TMEFF1: variants seen among roughly 807,000 people sequenced by gnomAD.
TMEFF1 encodes tomoregulin-1.
TMEFF1 carries 20 observed loss-of-function variants against 47.5 expected under a neutral mutation model. The observed-to-expected ratio is 0.42, with a 90% confidence interval of 0.30 to 0.61. The LOEUF (loss-of-function observed/expected upper bound fraction) is 0.61. Among genes scored for constraint, TMEFF1 ranks in the 20% least tolerant of loss-of-function variants. The pLI is 0.19. For synonymous variants in TMEFF1, 162 were observed against 166.3 expected (o/e 0.97, Z 0.20); for missense variants, 411 against 471.1 (o/e 0.87, Z 1.18).
At chr9:100,525,426 T>G (rs1838236455) in intron 5 of TMEFF1, among the ~76,000 whole-genome samples, 1 of 152,058 alleles carries the variant, frequency 6.6e-6, no homozygotes, top group African/African-American at 2.4e-5. Context: ...TACTTATTAT[T>G]TGTAAAGGAT....
chr9:100,486,064 G>T (rs1312633330), intron 1 of TMEFF1, among the ~76,000 whole-genome samples: 5 of 142,082 alleles, frequency 3.5e-5, no homozygotes, highest in Admixed American at 7.1e-5. Flanking sequence ...CAAATATTCT[G>T]AGTCTGTCTT....
intron 4 of TMEFF1, among the ~76,000 whole-genome samples, chr9:100,514,280 TC>T (rs1838023266): frequency 6.6e-6 from 1 of 151,462 alleles, no homozygotes; most frequent in Non-Finnish European, 1.5e-5. Context: ...AGGAGAACTG[TC>T]CTGAGGAGAA....
At chr9:100,549,107 T>C (rs532418479) in intron 6 of TMEFF1, among the ~76,000 whole-genome samples, 2 of 152,158 alleles carry the variant, frequency 1.3e-5, no homozygotes, top group African/African-American at 4.8e-5. Context: ...AAGAATTACC[T>C]GAGACTGGGT....
intron 2 of TMEFF1, among the ~76,000 whole-genome samples, chr9:100,503,463 A>G (rs569166892): frequency 2.0e-5 from 3 of 151,482 alleles, no homozygotes; most frequent in African/African-American, 4.9e-5. Context: ...GTATTTATCA[A>G]TGTCTGCTCT....
Position 100,576,656 on chromosome 9 carries a change from T to G in TMEFF1, c.*56T>G. ...GTGATGTACATTTATTATGTCTTTT[T>G]TTAAAGAATGGAAATATTTATTTCA... On this transcript the variant is annotated 3_prime_UTR_variant, in exon 10 of 10. Transcript: ENST00000374879. 2 of 1,548,634 alleles carry G rather than the reference T, an allele frequency of 1.3e-6. No homozygotes were observed. The highest frequency in any genetic ancestry group is 8.7e-7 in the Non-Finnish European group (1 of 1,149,364).
rs146431679 is a variant in TMEFF1 at position 100,517,451 on chromosome 9, G to A, written c.560+680G>A. ...TTTTTGGTGTGTATTTTCCAGTTCC[G>A]TATTTATTCAGCCCGTAACTGCATA... On this transcript the variant is annotated intron_variant, in intron 5 of 9. Transcript: ENST00000374879. Among the ~76,000 whole-genome samples the A allele has an allele frequency of 4.6e-3, 693 of 152,004 alleles. 6 individuals are homozygous for A. Among genetic ancestry groups the A allele is most frequent in the African/African-American group, 0.015 (639 of 41,440 alleles).
intron 5 of TMEFF1, among the ~76,000 whole-genome samples, chr9:100,542,923 C>CTTTTTTTTTTTTTTTTTTT (rs34994276): frequency 9.6e-6 from 1 of 104,588 alleles, no homozygotes; most frequent in Non-Finnish European, 1.9e-5. Context: ...CTCTCTCTCT[C>CTTTTTTTTTTTTTTTTTTT]TTTTTTTTTT....
chr9:100,508,919 A>T, intron 2 of TMEFF1, 86 bp from the exon 3 acceptor site: 1 of 1,353,324 alleles, frequency 7.4e-7, no homozygotes, highest in East Asian at 2.7e-5. Context: ...GTATGTCATA[A>T]TGCTATGGTA....
Position 100,561,428 on chromosome 9 carries a change from T to C in TMEFF1, c.807T>C (p.Ile269=). ...GTGATCAAAGAGAAGATGTTTATAT[T>C]GGAAACCACATGCCTTGCCCTGAAA... ...DASDQREDVY[I]GNHMPCPENL... is the part of the protein sequence containing the mutation. The change falls in exon 8 of 10, where the codon ATT becomes ATC. Residue 269 remains isoleucine (I), a synonymous_variant. Coordinates refer to ENST00000374879, the MANE Select transcript of TMEFF1 (RefSeq NM_003692.5). 1 of 1,613,726 alleles carries C rather than the reference T, an allele frequency of 6.2e-7. No individual in the cohort carries two copies. The highest frequency in any genetic ancestry group is 8.5e-7 in the Non-Finnish European group (1 of 1,179,804).
intron 5 of TMEFF1, among the ~76,000 whole-genome samples, chr9:100,536,945 A>G (rs1838523421): frequency 6.6e-6 from 1 of 152,222 alleles, no homozygotes; most frequent in South Asian, 2.1e-4. Context: ...TAGTCAGTGC[A>G]TTTATTGATG....
chr9:100,570,564 C>A (rs1839219711), intron 8 of TMEFF1, among the ~76,000 whole-genome samples: 1 of 151,974 alleles, frequency 6.6e-6, no homozygotes, highest in African/African-American at 2.4e-5. Context: ...TCTTAGCACC[C>A]TTGTCAAAAC....
intron 5 of TMEFF1, among the ~76,000 whole-genome samples, chr9:100,523,507 A>C (rs1025841859): frequency 8.5e-5 from 13 of 152,190 alleles, no homozygotes; most frequent in African/African-American, 3.1e-4. Context: ...AATTAGTGGC[A>C]ATCGACACTA....
At chr9:100,522,531 G>A (rs1009415803) in intron 5 of TMEFF1, among the ~76,000 whole-genome samples, 7 of 138,282 alleles carry the variant, frequency 5.1e-5, no homozygotes, top group African/African-American at 8.0e-5. Context: ...TCCGCCTCCC[G>A]GGTTCAAGCA....
At chr9:100,482,673 G>C (rs537406279) in intron 1 of TMEFF1, among the ~76,000 whole-genome samples, 2 of 152,190 alleles carry the variant, frequency 1.3e-5, no homozygotes, top group African/African-American at 4.8e-5. Context: ...TGCTAGAGAT[G>C]GTGGGGTGAG....
chr9:100,531,246 G>T (rs1330813720), intron 5 of TMEFF1, among the ~76,000 whole-genome samples: 1 of 152,094 alleles, frequency 6.6e-6, no homozygotes, highest in Non-Finnish European at 1.5e-5. Context: ...GGGCAATTAG[G>T]CAGGAGAAGA....
intron 5 of TMEFF1, among the ~76,000 whole-genome samples, chr9:100,520,408 A>T (rs549746784): frequency 1.1e-3 from 162 of 152,324 alleles, no homozygotes; most frequent in Non-Finnish European, 2.0e-3. Flanking sequence ...TATCCAACCT[A>T]TCTGATTTGC....
chr9:100,498,858 G>A lies in TMEFF1; in HGVS notation c.290G>A (p.Cys97Tyr), dbSNP rs1837706365. Reference protein sequence around the residue: ...VCKEDGDGLKCACQFQCHTNY... With the variant: ...VCKEDGDGLKYACQFQCHTNY... ...AAAGAAGATGGAGATGGTTTGAAAT[G>A]TGCATGCCAATTTCAGGTGAGGAAA... Residue 97 changes from cysteine (C) to tyrosine (Y), a missense_variant, in exon 2 of 10, where the codon TGT becomes TAT. Transcript: ENST00000374879. 6.2e-7 allele frequency: 1 copy of A among 1,612,920 alleles called. No individual in the cohort carries two copies. The highest frequency in any genetic ancestry group is 8.5e-7 in the Non-Finnish European group (1 of 1,179,632).
chr9:100,504,734 A>G (rs1482394568), intron 2 of TMEFF1, among the ~76,000 whole-genome samples: 1 of 152,172 alleles, frequency 6.6e-6, no homozygotes, highest in Non-Finnish European at 1.5e-5. Flanking sequence ...TTTGAATTCA[A>G]ACATTTTTGG....
At chr9:100,497,550 T>C (rs142678652) in intron 1 of TMEFF1, among the ~76,000 whole-genome samples, 8 of 152,130 alleles carry the variant, frequency 5.3e-5, no homozygotes, top group East Asian at 1.9e-4. Flanking sequence ...AGGTACTTGA[T>C]TGCCAGCTCC....
Sources: gnomAD v4.1 joint callset for allele counts (sites outside exome capture counted in the v4.1 genomes callset) on GRCh38, gnomAD v4.1.1 for gene constraint, MANE v1.5 for transcripts, NCBI Gene and HGNC (gene_info 2026-07-23, HGNC 2026-07-21) for gene names.